Variants in DPYS observed in about 807,000 individuals in gnomAD.
DPYS encodes the protein dihydropyrimidine amidohydrolase.
DPYS carries 39 observed loss-of-function variants against 50.3 expected under a neutral mutation model. That is an observed-to-expected ratio of 0.78 (90% CI 0.60 to 1.01). DPYS has a LOEUF of 1.01. Among genes scored for constraint, DPYS ranks in the 50% least tolerant of loss-of-function variants. The pLI, the probability that DPYS is intolerant of heterozygous loss-of-function variation, is 0.00. For missense variants in DPYS, 659 were observed against 680.9 expected (o/e 0.97, Z 0.36); for synonymous variants, 245 against 250.7 (o/e 0.98, Z 0.22).
At chr8:104,456,890 C>T (rs1813945009) in intron 1 of DPYS, among the ~76,000 whole-genome samples, 1 of 152,188 alleles carries the variant, frequency 6.6e-6, no homozygotes. Flanking sequence ...TAAACTCTAA[C>T]AGTGGGTCAT....
chr8:104,414,442 T>C (rs1030257343), intron 7 of DPYS, among the ~76,000 whole-genome samples: 5 of 152,026 alleles, frequency 3.3e-5, no homozygotes, highest in African/African-American at 1.2e-4. Flanking sequence ...TTCTGAAAAA[T>C]TCCCAGATGA....
chr8:104,401,850 A>C lies in DPYS; in HGVS notation c.1236-8859T>G, dbSNP rs147202872. 1.4e-3 allele frequency among the ~76,000 whole-genome samples: 211 copies of C among 152,302 alleles called. No homozygotes were observed. In the Middle Eastern group the frequency reaches 0.024, roughly 17 times the overall value. On this transcript the variant is annotated intron_variant, in intron 7 of 9. Transcript: ENST00000351513. Reference sequence around the variant, plus strand: ...TTCAAGTACATTGTCATTATTAAGCAAAGTTGCCACTCACTGCACCCATCA... The same window carrying C: ...TTCAAGTACATTGTCATTATTAAGCCAAGTTGCCACTCACTGCACCCATCA...
chr8:104,418,588 C>T (rs1812445052), intron 7 of DPYS: 1 of 152,318 alleles, frequency 6.6e-6, no homozygotes. Flanking sequence ...CTTCTACAGC[C>T]TGAAGCTGTT....
chr8:104,425,334 TC>T (rs1405167176), intron 6 of DPYS, among the ~76,000 whole-genome samples: 1 of 152,116 alleles, frequency 6.6e-6, no homozygotes, highest in African/African-American at 2.4e-5. Flanking sequence ...GCTCAGGTGA[TC>T]CTCCCCACTC....
intron 4 of DPYS, among the ~76,000 whole-genome samples, chr8:104,441,589 C>A (rs903265669): frequency 6.6e-6 from 1 of 152,042 alleles, no homozygotes; most frequent in African/African-American, 2.4e-5. Flanking sequence ...TGGCTGGTGC[C>A]GAAGATGGAG....
intron 7 of DPYS, among the ~76,000 whole-genome samples, chr8:104,397,062 CAGCTGAAGCTGTAATTCTCCAATCTT>C (rs1811616812): frequency 6.6e-6 from 1 of 152,226 alleles, no homozygotes; most frequent in South Asian, 2.1e-4. Flanking sequence ...TTTTTCCTTC[CAGCTGAAGCTGTAATTCTCCAATCTT>C]AGGAGCTTTC....
chr8:104,431,023 C>G (rs928168020), intron 4 of DPYS, among the ~76,000 whole-genome samples: 1 of 152,118 alleles, frequency 6.6e-6, no homozygotes, highest in African/African-American at 2.4e-5. Context: ...AAGATGGACA[C>G]GATATTTTAT....
chr8:104,463,170 A>C (rs766985912), intron 1 of DPYS, among the ~76,000 whole-genome samples: 33 of 152,332 alleles, frequency 2.2e-4, no homozygotes, highest in Admixed American at 1.8e-3. Flanking sequence ...CATTTCCTGA[A>C]AGTATAATAT....
intron 4 of DPYS, among the ~76,000 whole-genome samples, chr8:104,431,558 A>C (rs1192466543): frequency 6.6e-6 from 1 of 152,106 alleles, no homozygotes; most frequent in Non-Finnish European, 1.5e-5. Context: ...AGAACTAAAA[A>C]GGGGAAGGAA....
chr8:104,445,773 C>T (rs559139091), intron 3 of DPYS, among the ~76,000 whole-genome samples: 6 of 152,144 alleles, frequency 3.9e-5, no homozygotes, highest in Middle Eastern at 3.4e-3. Flanking sequence ...TGGCCGGGCG[C>T]GGTGGCTCAC....
At chr8:104,380,378 T>C (rs1188268545) in intron 9 of DPYS, 1 of 152,980 alleles carries the variant, frequency 6.5e-6, no homozygotes, top group Admixed American at 6.5e-5. Context: ...CGTGTTGAAC[T>C]GTCTGAAAAG....
chr8:104,444,493 A>ATCTG, intron 3 of DPYS, 56 bp from the exon 4 acceptor site: 2 of 1,582,100 alleles, frequency 1.3e-6, no homozygotes, highest in Non-Finnish European at 1.7e-6. Flanking sequence ...AATGACAGAT[A>ATCTG]TCATTATTTT....
At chr8:104,453,601 C>A (rs1318456986) in intron 1 of DPYS, among the ~76,000 whole-genome samples, 2 of 152,220 alleles carry the variant, frequency 1.3e-5, no homozygotes, top group Non-Finnish European at 2.9e-5. Context: ...GGTGGGAATG[C>A]AAAATGGTAC....
intron 5 of DPYS, among the ~76,000 whole-genome samples, chr8:104,428,816 T>C (rs773285651): frequency 3.6e-5 from 5 of 139,766 alleles, no homozygotes; most frequent in Non-Finnish European, 6.2e-5. Flanking sequence ...CCATGAAGGA[T>C]AGAATTTTCT....
At chr8:104,466,075 G>A (rs934248985) in intron 1 of DPYS, among the ~76,000 whole-genome samples, 1 of 151,806 alleles carries the variant, frequency 6.6e-6, no homozygotes, top group Non-Finnish European at 1.5e-5. Flanking sequence ...GGGAGTGGGG[G>A]CAGAGGGTAG....
intron 7 of DPYS, among the ~76,000 whole-genome samples, chr8:104,415,284 C>T (rs956860336): frequency 6.6e-6 from 1 of 152,218 alleles, no homozygotes; most frequent in African/African-American, 2.4e-5. Context: ...CACACAGCCT[C>T]GCTTGGTGCT....
chr8:104,407,407 G>A lies in DPYS; in HGVS notation c.1236-14416C>T, dbSNP rs144497747. The stretch of plus-strand genomic sequence containing the variant: ...AGGAAAACATAACAGGAGGTAGGAT[G>A]ATTAGGGATAAAAACAGAACAGGAA... On this transcript the variant is annotated intron_variant, in intron 7 of 9. Coordinates refer to ENST00000351513, the MANE Select transcript of DPYS (RefSeq NM_001385.3). 2.0e-3 allele frequency among the ~76,000 whole-genome samples: 311 copies of A among 152,346 alleles called. 1 individual carries two copies. The highest frequency in any genetic ancestry group is 5.6e-3 in the African/African-American group (232 of 41,580).
intron 4 of DPYS, among the ~76,000 whole-genome samples, chr8:104,431,927 A>C (rs1419514424): frequency 6.6e-6 from 1 of 152,112 alleles, no homozygotes; most frequent in Non-Finnish European, 1.5e-5. Flanking sequence ...TGTATTTCTA[A>C]ATGTTTAAGT....
intron 1 of DPYS, among the ~76,000 whole-genome samples, chr8:104,463,669 T>C (rs1475719539): frequency 6.6e-6 from 1 of 152,224 alleles, no homozygotes; most frequent in East Asian, 1.9e-4. Context: ...ACTTAGGGCA[T>C]TGGCTGGTAT....
Sources: allele counts gnomAD v4.1 joint callset (sites outside exome capture counted in the v4.1 genomes callset), GRCh38; gene constraint gnomAD v4.1.1; transcripts MANE v1.5; gene names NCBI Gene and HGNC (gene_info 2026-07-23, HGNC 2026-07-21).